KCND2: variants seen among roughly 807,000 people sequenced by gnomAD.
KCND2 encodes the protein potassium voltage-gated channel subfamily D member 2.
A neutral mutation model predicts 54.4 loss-of-function variants in KCND2; 16 were observed. That is an observed-to-expected ratio of 0.29 (90% CI 0.20 to 0.45). KCND2 has a LOEUF of 0.45. Ranked by LOEUF, KCND2 falls within the 20% of genes least tolerant of loss-of-function variation. The pLI is 1.00. For synonymous variants in KCND2, 317 were observed against 310.7 expected (o/e 1.02, Z -0.21); for missense variants, 486 against 824.2 (o/e 0.59, Z 5.02).
chr7:120,609,107 A>G (rs1792919105), intron 1 of KCND2, among the ~76,000 whole-genome samples: 1 of 151,966 alleles, frequency 6.6e-6, no homozygotes, highest in Admixed American at 6.6e-5. Context: ...AACTGTTCAT[A>G]ATGTTCTGAT....
intron 1 of KCND2, among the ~76,000 whole-genome samples, chr7:120,717,294 A>G (rs553362663): frequency 1.1e-4 from 16 of 152,238 alleles, no homozygotes; most frequent in African/African-American, 3.6e-4. Flanking sequence ...GTCAATGACT[A>G]CTGGGCAGGT....
intron 1 of KCND2, among the ~76,000 whole-genome samples, chr7:120,528,613 G>A (rs1791805805): frequency 6.6e-6 from 1 of 152,102 alleles, no homozygotes; most frequent in Admixed American, 6.6e-5. Flanking sequence ...GCAGAAATTA[G>A]CTAACCCAGT....
At chr7:120,385,711 T>G (rs1800978072) in intron 1 of KCND2, among the ~76,000 whole-genome samples, 1 of 151,906 alleles carries the variant, frequency 6.6e-6, no homozygotes, top group Non-Finnish European at 1.5e-5. Flanking sequence ...ATAGCCAAAC[T>G]ATGAATGTCT....
intron 1 of KCND2, among the ~76,000 whole-genome samples, chr7:120,551,527 T>C (rs1323268096): frequency 6.6e-6 from 1 of 152,174 alleles, no homozygotes; most frequent in African/African-American, 2.4e-5. Flanking sequence ...GGGTTTTTCA[T>C]GAAATGGAAA....
intron 1 of KCND2, among the ~76,000 whole-genome samples, chr7:120,400,819 T>C (rs1801241420): frequency 6.6e-6 from 1 of 152,082 alleles, no homozygotes; most frequent in Non-Finnish European, 1.5e-5. Context: ...GATCACTCTT[T>C]AAAAATATTG....
Position 120,697,623 on chromosome 7 carries a change from T to C in KCND2, c.1116-35280T>C, listed in dbSNP as rs562538973. 2.6e-5 allele frequency among the ~76,000 whole-genome samples: 4 copies of C among 152,196 alleles called. No homozygotes were observed. In the East Asian group the frequency reaches 7.7e-4, roughly 29 times the overall value. On this transcript the variant is annotated intron_variant, in intron 1 of 5. Coordinates refer to ENST00000331113, the MANE Select transcript of KCND2 (RefSeq NM_012281.3). ...CATGAAAGGATATAAAATGCAAAAA[T>C]GTAGGGAAGCAGTAAGTTTACCCCA...
At chr7:120,303,453 G>A (rs1799612353) in intron 1 of KCND2, among the ~76,000 whole-genome samples, 1 of 152,140 alleles carries the variant, frequency 6.6e-6, no homozygotes, top group Non-Finnish European at 1.5e-5. Flanking sequence ...ACCTGTCTTT[G>A]AAAAACTGTA....
intron 1 of KCND2, among the ~76,000 whole-genome samples, chr7:120,572,051 T>C (rs1437325611): frequency 6.6e-6 from 1 of 152,212 alleles, no homozygotes; most frequent in Non-Finnish European, 1.5e-5. Flanking sequence ...GTGTATCTGA[T>C]TTGCTTTCAT....
At chr7:120,402,584 C>A (rs1801279927) in intron 1 of KCND2, among the ~76,000 whole-genome samples, 1 of 152,060 alleles carries the variant, frequency 6.6e-6, no homozygotes, top group Non-Finnish European at 1.5e-5. Context: ...AAGCTAGTTG[C>A]TATTTTCAGA....
At chr7:120,484,209 C>T (rs751557580) in intron 1 of KCND2, among the ~76,000 whole-genome samples, 7 of 152,042 alleles carry the variant, frequency 4.6e-5, no homozygotes, top group Non-Finnish European at 1.0e-4. Context: ...TCATGGGAGT[C>T]ATGAATCTGT....
intron 1 of KCND2, among the ~76,000 whole-genome samples, chr7:120,352,964 G>C (rs557293489): frequency 6.6e-6 from 1 of 151,984 alleles, no homozygotes; most frequent in South Asian, 2.1e-4. Flanking sequence ...ATTTACAATA[G>C]AAATGGCAGA....
chr7:120,577,559 A>G (rs1210320943), intron 1 of KCND2, among the ~76,000 whole-genome samples: 2 of 151,536 alleles, frequency 1.3e-5, no homozygotes, highest in Non-Finnish European at 2.9e-5. Flanking sequence ...AACAACCGCA[A>G]ACAAACCAAC....
At chr7:120,727,200 G>T (rs2116125613) in intron 1 of KCND2, among the ~76,000 whole-genome samples, 1 of 152,268 alleles carries the variant, frequency 6.6e-6, no homozygotes, top group South Asian at 2.1e-4. Context: ...TGAAGATGGT[G>T]TAAGAAAATT....
chr7:120,456,055 A>G, intron 1 of KCND2, among the ~76,000 whole-genome samples: 1 of 152,188 alleles, frequency 6.6e-6, no homozygotes, highest in East Asian at 1.9e-4. Context: ...TTACTAAAAA[A>G]CAGAAGTTAC....
chr7:120,513,518 T>G (rs550564434), intron 1 of KCND2, among the ~76,000 whole-genome samples: 1 of 152,258 alleles, frequency 6.6e-6, no homozygotes, highest in African/African-American at 2.4e-5. Context: ...ATTATTGGAC[T>G]GATTTATTTC....
chr7:120,720,439 C>G (rs913336997), intron 1 of KCND2, among the ~76,000 whole-genome samples: 7 of 152,038 alleles, frequency 4.6e-5, no homozygotes, highest in Non-Finnish European at 1.0e-4. Context: ...GTGAAAAAGC[C>G]CTGGGTTCCT....
At chr7:120,572,802 C>T (rs73439879) in intron 1 of KCND2, among the ~76,000 whole-genome samples, 1,733 of 152,212 alleles carry the variant, frequency 0.011, 41 homozygotes, top group African/African-American at 0.04. Flanking sequence ...GAATTATAGG[C>T]GTGAGCCACA....
At chr7:120,335,699 A>G (rs1800142086) in intron 1 of KCND2, among the ~76,000 whole-genome samples, 1 of 151,844 alleles carries the variant, frequency 6.6e-6, no homozygotes, top group Admixed American at 6.6e-5. Context: ...GTTAGCCAGG[A>G]TGGTCTCAGT....
intron 1 of KCND2, among the ~76,000 whole-genome samples, chr7:120,278,570 TG>T (rs1414407625): frequency 6.6e-6 from 1 of 151,510 alleles, no homozygotes; most frequent in Admixed American, 6.6e-5. Flanking sequence ...CATTCAGGAC[TG>T]GCAGAATCAT....
Sources: allele counts gnomAD v4.1 joint callset (sites outside exome capture counted in the v4.1 genomes callset), GRCh38; gene constraint gnomAD v4.1.1; transcripts MANE v1.5; gene names NCBI Gene and HGNC (gene_info 2026-07-23, HGNC 2026-07-21).